The following ASTN2 variants were observed in gnomAD, a reference collection of about 807,000 sequenced individuals.
The protein encoded by ASTN2 is astrotactin 2.
A neutral mutation model predicts 139.8 loss-of-function variants in ASTN2; 54 were observed. The observed-to-expected ratio is 0.39, with a 90% CI of 0.31 to 0.48. The LOEUF (loss-of-function observed/expected upper bound fraction) is 0.48, where lower values mean the gene tolerates loss of function less well. ASTN2 is among the 20% of genes least tolerant of loss of function. ASTN2 has a pLI of 0.95. For missense variants in ASTN2, 1,565 were observed against 1,725.1 expected (o/e 0.91, Z 1.64); for synonymous variants, 756 against 719.5 (o/e 1.05, Z -0.81).
chr9:116,697,994 G>C (rs776989459), intron 16 of ASTN2: 1 of 1,614,212 alleles, frequency 6.2e-7, no homozygotes. Context: ...CAGTGCTAAA[G>C]ATCATTGATA....
intron 3 of ASTN2, among the ~76,000 whole-genome samples, chr9:117,213,495 A>G (rs370743123): frequency 6.6e-6 from 1 of 152,222 alleles, no homozygotes; most frequent in African/African-American, 2.4e-5. Context: ...TGATTGATAT[A>G]CTAATTACCC....
chr9:117,010,228 T>C (rs1458408896), intron 6 of ASTN2, among the ~76,000 whole-genome samples: 1 of 152,028 alleles, frequency 6.6e-6, no homozygotes, highest in East Asian at 1.9e-4. Context: ...GGAGAAGATA[T>C]GCAAATCTAT....
At chr9:117,240,656 T>C (rs1378019987) in intron 2 of ASTN2, among the ~76,000 whole-genome samples, 4 of 152,170 alleles carry the variant, frequency 2.6e-5, no homozygotes, top group African/African-American at 7.2e-5. Context: ...ATAAACCTTC[T>C]AACAGACCTG....
chr9:116,954,425 G>A (rs995213794), intron 10 of ASTN2, among the ~76,000 whole-genome samples: 6 of 152,192 alleles, frequency 3.9e-5, no homozygotes, highest in African/African-American at 1.4e-4. Flanking sequence ...ATAAGCAAGG[G>A]ATGCCAATGC....
intron 10 of ASTN2, among the ~76,000 whole-genome samples, chr9:116,906,746 A>C (rs1034789040): frequency 2.0e-5 from 3 of 152,196 alleles, no homozygotes; most frequent in Non-Finnish European, 4.4e-5. Context: ...GTGAGTTGAG[A>C]TGGGTTGAAG....
intron 19 of ASTN2, among the ~76,000 whole-genome samples, chr9:116,529,186 G>A (rs1453774883): frequency 6.6e-6 from 1 of 152,134 alleles, no homozygotes; most frequent in Non-Finnish European, 1.5e-5. Flanking sequence ...TAGCCATGGG[G>A]GCTTACCCTG....
intron 11 of ASTN2, among the ~76,000 whole-genome samples, chr9:116,861,211 AG>A (rs1832869887): frequency 2.5e-5 from 2 of 79,000 alleles, no homozygotes; most frequent in Admixed American, 1.4e-4. Context: ...GACAAGCCCA[AG>A]CTACACACAC....
intron 1 of ASTN2, among the ~76,000 whole-genome samples, chr9:117,340,527 A>G (rs552528610): frequency 3.9e-5 from 6 of 151,968 alleles, no homozygotes; most frequent in African/African-American, 1.4e-4. Flanking sequence ...CCACGCTAAG[A>G]CCTGTGGGGG....
chr9:117,050,769 G>A (rs1838892026), intron 5 of ASTN2, among the ~76,000 whole-genome samples: 1 of 152,038 alleles, frequency 6.6e-6, no homozygotes, highest in African/African-American at 2.4e-5. Flanking sequence ...TCACATCTCT[G>A]TGCTCCCTCC....
chr9:117,157,849 G>A (rs1003720819), intron 3 of ASTN2, among the ~76,000 whole-genome samples: 6 of 151,934 alleles, frequency 3.9e-5, no homozygotes, highest in African/African-American at 1.4e-4. Context: ...ACATATATAA[G>A]AAGACTTTCA....
chr9:116,828,004 T>C (rs1035314611), intron 11 of ASTN2, among the ~76,000 whole-genome samples: 2 of 152,160 alleles, frequency 1.3e-5, no homozygotes, highest in African/African-American at 4.8e-5. Flanking sequence ...CTTAACAAAA[T>C]ACTAGCAAAA....
At chr9:117,144,678 T>G (rs1830152771) in intron 3 of ASTN2, among the ~76,000 whole-genome samples, 1 of 61,090 alleles carries the variant, frequency 1.6e-5, no homozygotes, top group Non-Finnish European at 3.7e-5. Context: ...TTTTTTTTTT[T>G]TTTTTTTTTT....
At chr9:117,017,941 C>T (rs573893333) in intron 6 of ASTN2, among the ~76,000 whole-genome samples, 1 of 145,488 alleles carries the variant, frequency 6.9e-6, no homozygotes, top group South Asian at 2.3e-4. Context: ...TGGGACACAG[C>T]CAGATATCAG....
Position 116,863,651 on chromosome 9 carries a change from T to A in ASTN2, c.1972A>T (p.Asn658Tyr), listed in dbSNP as rs1230599001. The A allele has an allele frequency of 2.5e-6, 4 of 1,614,076 alleles. No homozygotes were observed. The highest frequency in any genetic ancestry group is 3.4e-6 in the Non-Finnish European group (4 of 1,180,036). ...AAGTTGCGAGTGCAGCCCCCATTGT[T>A]CCGAGAGCAGTCACGAACTGGCCCG... ...SFGPVRDCSR[N>Y]NGGCTRNFKC... Residue 658 changes from asparagine (N) to tyrosine (Y), a missense_variant, in exon 11 of 23, where the codon AAC (asparagine) becomes TAC (tyrosine). Physicochemically the swap from Asn to Tyr is moderately radical, Grantham distance 143 (BLOSUM62 -2). This residue lies in a region of ASTN2 where 503 missense variants were observed against 591.7 expected (regional missense o/e 0.85). Coordinates refer to ENST00000313400, the MANE Select transcript of ASTN2 (RefSeq NM_001365068.1).
At chr9:116,703,726 T>TAA (rs1284506132) in intron 16 of ASTN2, among the ~76,000 whole-genome samples, 36 of 48,148 alleles carry the variant, frequency 7.5e-4, no homozygotes, top group Admixed American at 1.5e-3. Context: ...TAAAGTATAA[T>TAA]AATAAAAAAA....
intron 1 of ASTN2, among the ~76,000 whole-genome samples, chr9:117,340,621 T>G (rs1392014312): frequency 1.3e-5 from 2 of 152,160 alleles, no homozygotes; most frequent in Non-Finnish European, 2.9e-5. Context: ...TTCCTTAGTG[T>G]GAGACCTTGG....
intron 4 of ASTN2, among the ~76,000 whole-genome samples, chr9:117,113,472 A>G (rs1829298433): frequency 6.6e-6 from 1 of 152,246 alleles, no homozygotes; most frequent in Non-Finnish European, 1.5e-5. Flanking sequence ...CCTGGTCAAC[A>G]TGGTTAAACC....
chr9:117,268,921 G>A (rs1833997345), intron 2 of ASTN2, among the ~76,000 whole-genome samples: 1 of 152,296 alleles, frequency 6.6e-6, no homozygotes, highest in South Asian at 2.1e-4. Context: ...AGAAATATTA[G>A]TTGAATAACT....
At chr9:117,259,453 T>C (rs1833770619) in intron 2 of ASTN2, among the ~76,000 whole-genome samples, 2 of 152,118 alleles carry the variant, frequency 1.3e-5, no homozygotes, top group Non-Finnish European at 2.9e-5. Flanking sequence ...CCTTTGGGAA[T>C]TTGGGAAAAA....
Sources: allele counts gnomAD v4.1 joint callset (sites outside exome capture counted in the v4.1 genomes callset), GRCh38; gene constraint gnomAD v4.1.1; regional missense constraint gnomAD v4.1.1; transcripts MANE v1.5; gene names NCBI Gene and HGNC (gene_info 2026-07-23, HGNC 2026-07-21).